The following CSMD1 variants were observed in gnomAD, a reference collection of about 807,000 sequenced individuals.
CSMD1 encodes the protein CUB and Sushi multiple domains 1.
Under a neutral mutation model 417.5 loss-of-function variants are expected in CSMD1, and 213 were observed. The ratio of observed to expected loss-of-function variants is 0.51; its 90% confidence interval spans 0.46 to 0.57. The LOEUF is 0.57. Ranked by LOEUF, CSMD1 falls within the 20% of genes least tolerant of loss-of-function variation. The pLI is 0.00. For missense variants in CSMD1, 6,923 were observed against 4,529.7 expected (o/e 1.53, Z -15.17); for synonymous variants, 2,862 against 1,736.8 (o/e 1.65, Z -16.11).
intron 3 of CSMD1, among the ~76,000 whole-genome samples, chr8:4,101,799 T>G (rs1384925745): frequency 6.7e-6 from 1 of 150,110 alleles, no homozygotes; most frequent in South Asian, 2.2e-4. Context: ...AGTCTGTGAG[T>G]TCAAAGTGAA....
chr8:4,905,128 A>C, intron 1 of CSMD1, among the ~76,000 whole-genome samples: 1 of 151,604 alleles, frequency 6.6e-6, no homozygotes, highest in Non-Finnish European at 1.5e-5. Flanking sequence ...CTCAACTTTT[A>C]AATGTCATAA....
chr8:4,082,750 G>T (rs1364870478), intron 3 of CSMD1, among the ~76,000 whole-genome samples: 1 of 145,484 alleles, frequency 6.9e-6, no homozygotes, highest in East Asian at 2.1e-4. Context: ...ATCTCCTGAT[G>T]CTATCCCTCC....
intron 5 of CSMD1, among the ~76,000 whole-genome samples, chr8:3,873,725 A>AAAT (rs1805633614): frequency 1.3e-5 from 2 of 152,226 alleles, no homozygotes; most frequent in Admixed American, 6.5e-5. Context: ...ATAAATAAAA[A>AAAT]GCCTTTTTCT....
chr8:3,808,023 C>G (rs1022562594), intron 5 of CSMD1, among the ~76,000 whole-genome samples: 1 of 152,156 alleles, frequency 6.6e-6, no homozygotes, highest in Non-Finnish European at 1.5e-5. Flanking sequence ...CATTCTTGAG[C>G]TCTATTTTTA....
At chr8:3,299,118 A>C (rs1804187324) in intron 25 of CSMD1, among the ~76,000 whole-genome samples, 1 of 152,198 alleles carries the variant, frequency 6.6e-6, no homozygotes, top group South Asian at 2.1e-4. Flanking sequence ...TTAAAAGTCA[A>C]AATGCCAGAC....
intron 7 of CSMD1, among the ~76,000 whole-genome samples, chr8:3,652,873 A>C (rs1233752168): frequency 2.0e-5 from 3 of 152,234 alleles, no homozygotes; most frequent in African/African-American, 7.2e-5. Context: ...GGGTGCACAC[A>C]GTCAGCACTC....
intron 2 of CSMD1, among the ~76,000 whole-genome samples, chr8:4,632,239 G>A (rs1049332789): frequency 2.0e-5 from 3 of 152,116 alleles, no homozygotes; most frequent in South Asian, 2.1e-4. Flanking sequence ...ACTTATTGAC[G>A]ATGTGAAAGT....
At chr8:4,084,303 A>C (rs939326802) in intron 3 of CSMD1, among the ~76,000 whole-genome samples, 2 of 147,816 alleles carry the variant, frequency 1.4e-5, no homozygotes, top group South Asian at 2.2e-4. Context: ...TTATGAAAAA[A>C]GTGACAAAAA....
At chr8:4,004,210 A>T (rs1241046041) in intron 4 of CSMD1, among the ~76,000 whole-genome samples, 1 of 152,096 alleles carries the variant, frequency 6.6e-6, no homozygotes, top group Non-Finnish European at 1.5e-5. Context: ...TGAGGGATTT[A>T]AAAACTCCTT....
intron 3 of CSMD1, among the ~76,000 whole-genome samples, chr8:4,234,885 T>G (rs144090976): frequency 6.6e-6 from 1 of 152,120 alleles, no homozygotes; most frequent in Non-Finnish European, 1.5e-5. Context: ...CCTCGGTGTG[T>G]GAACAAAAAA....
chr8:4,396,261 A>T (rs977850147), intron 3 of CSMD1, among the ~76,000 whole-genome samples: 13 of 151,836 alleles, frequency 8.6e-5, no homozygotes, highest in African/African-American at 3.1e-4. Context: ...CAGGTGTTTG[A>T]GACCAGCTTG....
chr8:2,954,263 C>G lies in CSMD1; in HGVS notation c.10000G>C (p.Gly3334Arg), dbSNP rs1471136627. ...ACTGTTTCATTAACTTCTCTCACTCCTTTACCTACAAGTAAAAAGACAAAT... is the reference window on the plus strand; with the variant it reads ...ACTGTTTCATTAACTTCTCTCACTCGTTTACCTACAAGTAAAAAGACAAAT... ...TGKSPVCKSK[G>R]VREVNETVTK... The change falls in exon 65 of 70, where the codon GGA (glycine) becomes CGA (arginine). Residue 3334 changes from glycine to arginine, a missense_variant. Physicochemically the swap from Gly to Arg is moderately radical, Grantham distance 125. Coordinates refer to ENST00000635120, the MANE Select transcript of CSMD1 (RefSeq NM_033225.6). 1.4e-6 allele frequency: 2 copies of G among 1,479,174 alleles called. No individual in the cohort carries two copies. The highest frequency in any genetic ancestry group is 2.8e-5 in the African/African-American group (2 of 71,100). The allele number at this position is 1,479,174 out of a possible 1,614,324, so 91.6% of individuals were successfully genotyped here. A position where few individuals can be genotyped will look rare whatever the true frequency, so the allele number is the denominator to read the frequency against.
At chr8:4,036,534 G>C (rs1385431910) in intron 3 of CSMD1, among the ~76,000 whole-genome samples, 1 of 152,136 alleles carries the variant, frequency 6.6e-6, no homozygotes, top group Non-Finnish European at 1.5e-5. Flanking sequence ...CCATAAAATT[G>C]AATATGAAAA....
intron 3 of CSMD1, among the ~76,000 whole-genome samples, chr8:4,032,847 G>A (rs531051043): frequency 6.6e-6 from 1 of 152,110 alleles, no homozygotes. Context: ...CAGCCAGGGT[G>A]ATTCCAAAGT....
At chr8:4,190,621 G>A (rs1271494465) in intron 3 of CSMD1, among the ~76,000 whole-genome samples, 1 of 151,834 alleles carries the variant, frequency 6.6e-6, no homozygotes, top group African/African-American at 2.4e-5. Flanking sequence ...GCTCAAAGGG[G>A]TTAAAGAATA....
intron 10 of CSMD1, among the ~76,000 whole-genome samples, chr8:3,553,468 A>T (rs1195617386): frequency 1.3e-5 from 2 of 152,210 alleles, no homozygotes; most frequent in African/African-American, 4.8e-5. Flanking sequence ...CTATGAAAAA[A>T]ATTTGAAGAA....
At chr8:4,104,670 T>A (rs758055467) in intron 3 of CSMD1, among the ~76,000 whole-genome samples, 3 of 152,088 alleles carry the variant, frequency 2.0e-5, no homozygotes, top group Non-Finnish European at 4.4e-5. Flanking sequence ...CACAGACTAG[T>A]AAAACAGCAC....
At chr8:3,438,035 T>C (rs1165084218) in intron 12 of CSMD1, among the ~76,000 whole-genome samples, 2 of 152,296 alleles carry the variant, frequency 1.3e-5, no homozygotes, top group African/African-American at 2.4e-5. Flanking sequence ...ATAGAGGTTT[T>C]TGTACAAATA....
In CSMD1 at chr8:2,962,205, G is replaced by C. The variant is rs967487845; in HGVS notation, c.9628+261C>G. ...CAATTGGCAGTTAAGGTAGACAGCG[G>C]AGAGAGCCACTGAGGTCAGAGAACA... On this transcript the variant is annotated intron_variant, in intron 61 of 69. Transcript: ENST00000635120. Among the ~76,000 whole-genome samples the C allele has an allele frequency of 5.3e-5, 8 of 152,294 alleles. No individual in the cohort carries two copies. The East Asian group carries it at 1.5e-3, about 29-fold the overall frequency.
Sources: allele counts gnomAD v4.1 joint callset (sites outside exome capture counted in the v4.1 genomes callset), GRCh38; gene constraint gnomAD v4.1.1; transcripts MANE v1.5; gene names NCBI Gene and HGNC (gene_info 2026-07-23, HGNC 2026-07-21).